The following NCKAP5 variants were observed in gnomAD, a reference collection of about 807,000 sequenced individuals.
NCKAP5 encodes the protein NCK associated protein 5, also known as nck-associated protein 5.
A neutral mutation model predicts 167.0 loss-of-function variants in NCKAP5; 92 were observed. The ratio of observed to expected loss-of-function variants is 0.55; its 90% CI spans 0.47 to 0.66. The LOEUF (loss-of-function observed/expected upper bound fraction) is 0.66, where lower values mean the gene tolerates loss of function less well. NCKAP5 is among the 30% of genes least tolerant of loss of function. The pLI is 0.00. For synonymous variants in NCKAP5, 891 were observed against 877.4 expected (o/e 1.02, Z -0.27); for missense variants, 2,378 against 2,315.0 (o/e 1.03, Z -0.56).
the NCKAP5 span, among the ~76,000 whole-genome samples, chr2:133,642,594 T>C: frequency 6.6e-4 from 101 of 152,268 alleles, no homozygotes; most frequent in African/African-American, 2.4e-3. Flanking sequence ...TAAAGGATGG[T>C]CTTCATAGAG....
At chr2:133,096,925 T>A (rs184675257) in intron 6 of NCKAP5, among the ~76,000 whole-genome samples, 263 of 152,334 alleles carry the variant, frequency 1.7e-3, no homozygotes, top group African/African-American at 5.7e-3. Flanking sequence ...AATAAACTTT[T>A]ATCTTAAGCA....
intron 19 of NCKAP5, chr2:132,714,974 T>G (rs1689228922): frequency 2.3e-6 from 1 of 432,184 alleles, no homozygotes; most frequent in Admixed American, 2.8e-5. Context: ...TGTAATTCGC[T>G]GAGTAATACT....
intron 16 of NCKAP5, among the ~76,000 whole-genome samples, chr2:132,743,057 G>A (rs1455754664): frequency 7.7e-6 from 1 of 129,942 alleles, no homozygotes; most frequent in Non-Finnish European, 1.6e-5. Context: ...AATTGTTACA[G>A]AAACACATGT....
chr2:133,589,740 C>T, the NCKAP5 span, among the ~76,000 whole-genome samples: 1 of 152,220 alleles, frequency 6.6e-6, no homozygotes, highest in Admixed American at 6.5e-5. Flanking sequence ...ATCTGGACCA[C>T]TGCATCAGGA....
At chr2:133,614,995 C>T in the NCKAP5 span, among the ~76,000 whole-genome samples, 1 of 152,100 alleles carries the variant, frequency 6.6e-6, no homozygotes, top group Non-Finnish European at 1.5e-5. Context: ...GGCCAATATT[C>T]AACATTCTTA....
At chr2:133,023,252 T>C (rs1243012566) in intron 6 of NCKAP5, among the ~76,000 whole-genome samples, 1 of 152,228 alleles carries the variant, frequency 6.6e-6, no homozygotes, top group African/African-American at 2.4e-5. Flanking sequence ...CTTCTCTCCA[T>C]TCAAACTTTT....
At chr2:132,872,403 G>T (rs1015629613) in intron 9 of NCKAP5, among the ~76,000 whole-genome samples, 1 of 152,202 alleles carries the variant, frequency 6.6e-6, no homozygotes, top group Non-Finnish European at 1.5e-5. Flanking sequence ...TCCAGGGCTC[G>T]TGATTCCTCC....
At chr2:133,459,311 A>G (rs748150167) in intron 3 of NCKAP5, among the ~76,000 whole-genome samples, 2 of 152,118 alleles carry the variant, frequency 1.3e-5, no homozygotes, top group Non-Finnish European at 2.9e-5. Flanking sequence ...AAATGCCAAG[A>G]TTACAGGTGT....
the NCKAP5 span, among the ~76,000 whole-genome samples, chr2:133,639,454 G>T: frequency 6.6e-6 from 1 of 152,160 alleles, no homozygotes; most frequent in Admixed American, 6.6e-5. Flanking sequence ...ATCTGGATTA[G>T]GGGTATTGTC....
intron 4 of NCKAP5, among the ~76,000 whole-genome samples, chr2:133,217,304 G>A (rs1236466651): frequency 6.6e-6 from 1 of 151,916 alleles, no homozygotes; most frequent in African/African-American, 2.4e-5. Flanking sequence ...GAACATGTCC[G>A]TATTAGTCCC....
At chr2:133,559,143 T>C (rs1424320042) in intron 1 of NCKAP5, 26 bp from the exon 2 acceptor site, 1 of 152,176 alleles carries the variant, frequency 6.6e-6, no homozygotes, top group African/African-American at 2.4e-5. Context: ...ATAATCTAAA[T>C]ATGTGGCTCA....
intron 11 of NCKAP5, among the ~76,000 whole-genome samples, chr2:132,855,316 G>A (rs769745615): frequency 7.2e-5 from 11 of 152,190 alleles, no homozygotes; most frequent in Non-Finnish European, 1.3e-4. Context: ...CCAATGTCCT[G>A]TAACCATGCA....
intron 8 of NCKAP5, among the ~76,000 whole-genome samples, chr2:132,952,067 G>C (rs2149150603): frequency 6.6e-6 from 1 of 152,206 alleles, no homozygotes; most frequent in South Asian, 2.1e-4. Context: ...GAATCCTTTA[G>C]ATGAATCAAG....
chr2:132,753,534 CA>C (rs1429116410), intron 16 of NCKAP5, among the ~76,000 whole-genome samples: 1 of 152,154 alleles, frequency 6.6e-6, no homozygotes, highest in Non-Finnish European at 1.5e-5. Context: ...CTTTGGAAAA[CA>C]AATGTGCCTG....
intron 6 of NCKAP5, among the ~76,000 whole-genome samples, chr2:133,109,407 A>T (rs2081833363): frequency 6.6e-6 from 1 of 152,226 alleles, no homozygotes; most frequent in Non-Finnish European, 1.5e-5. Flanking sequence ...TAAATCAGTA[A>T]TGCTTTCTTC....
intron 9 of NCKAP5, among the ~76,000 whole-genome samples, chr2:132,874,403 C>A (rs981674754): frequency 6.6e-6 from 1 of 152,092 alleles, no homozygotes; most frequent in African/African-American, 2.4e-5. Flanking sequence ...CCACCATGCC[C>A]GGCCAAAACC....
At chr2:133,241,247 G>T (rs1032549777) in intron 4 of NCKAP5, among the ~76,000 whole-genome samples, 1 of 152,070 alleles carries the variant, frequency 6.6e-6, no homozygotes. Flanking sequence ...TCTCTTCCTC[G>T]CCCTATTTTG....
intron 3 of NCKAP5, among the ~76,000 whole-genome samples, chr2:133,481,069 A>C (rs1680380800): frequency 6.6e-6 from 1 of 152,230 alleles, no homozygotes; most frequent in South Asian, 2.1e-4. Flanking sequence ...TGGATAATAG[A>C]AGAAAAGTTC....
chr2:133,362,878 C>T (rs1320176390), intron 3 of NCKAP5, among the ~76,000 whole-genome samples: 3 of 151,894 alleles, frequency 2.0e-5, no homozygotes, highest in African/African-American at 7.3e-5. Flanking sequence ...CTCAGCCTCC[C>T]GAGTAGCTGG....
Sources: gnomAD v4.1 joint callset for allele counts (sites outside exome capture counted in the v4.1 genomes callset) on GRCh38, gnomAD v4.1.1 for gene constraint, MANE v1.5 for transcripts, NCBI Gene and HGNC (gene_info 2026-07-23, HGNC 2026-07-21) for gene names.